Variants in F13A1 observed in about 807,000 individuals in gnomAD.
F13A1 encodes FSF, A subunit.
A neutral mutation model predicts 80.1 loss-of-function variants in F13A1; 47 were observed. The ratio of observed to expected loss-of-function variants is 0.59; its 90% CI spans 0.46 to 0.75. The LOEUF is 0.75. F13A1 is among the 30% of genes least tolerant of loss of function. The pLI is 0.00. For missense variants in F13A1, 817 were observed against 930.4 expected (o/e 0.88, Z 1.59); for synonymous variants, 349 against 344.9 (o/e 1.01, Z -0.13).
chr6:6,194,732 C>T (rs1313905010), intron 10 of F13A1, among the ~76,000 whole-genome samples: 1 of 152,190 alleles, frequency 6.6e-6, no homozygotes, highest in Non-Finnish European at 1.5e-5. Context: ...TTCTTAAAGA[C>T]TTGAACCTTA....
chr6:6,313,283 T>TTTTTTTTTTTTTTTG (rs1758632824), intron 2 of F13A1, among the ~76,000 whole-genome samples: 1 of 142,378 alleles, frequency 7.0e-6, no homozygotes, highest in African/African-American at 2.8e-5. Context: ...AAGCCGCCTT[T>TTTTTTTTTTTTTTTG]TTTTTTTTTT....
At chr6:6,199,610 T>G (rs909169548) in intron 8 of F13A1, among the ~76,000 whole-genome samples, 2 of 152,186 alleles carry the variant, frequency 1.3e-5, no homozygotes, top group Non-Finnish European at 1.5e-5. Flanking sequence ...GATAGAGCTC[T>G]GAAATCCACA....
chr6:6,167,652 A>G, intron 12 of F13A1, 34 bp from the exon 13 acceptor site: 1 of 1,610,428 alleles, frequency 6.2e-7, no homozygotes, highest in East Asian at 2.2e-5. Context: ...GCCTGGCATC[A>G]AGACTTGAGA....
chr6:6,293,057 A>C (rs1031625698), intron 3 of F13A1, among the ~76,000 whole-genome samples: 4 of 152,174 alleles, frequency 2.6e-5, no homozygotes, highest in African/African-American at 9.7e-5. Context: ...CTGTAACCAG[A>C]AATGTGAAGC....
chr6:6,224,393 C>T (rs1415193495), intron 7 of F13A1, among the ~76,000 whole-genome samples: 1 of 151,820 alleles, frequency 6.6e-6, no homozygotes, highest in Non-Finnish European at 1.5e-5. Flanking sequence ...AAGAAAATGG[C>T]TTTTTTCTCT....
chr6:6,156,214 AC>A (rs1277913043), intron 13 of F13A1, among the ~76,000 whole-genome samples: 2 of 152,254 alleles, frequency 1.3e-5, no homozygotes, highest in African/African-American at 4.8e-5. Context: ...CATATCACTT[AC>A]TGATATTGAC....
At chr6:6,278,202 GATTA>G (rs1758013931) in intron 3 of F13A1, among the ~76,000 whole-genome samples, 3 of 152,202 alleles carry the variant, frequency 2.0e-5, no homozygotes, top group Admixed American at 2.0e-4. Context: ...AACACATAAA[GATTA>G]ATGGAGTGTA....
chr6:6,258,397 A>G (rs9504738), intron 4 of F13A1, among the ~76,000 whole-genome samples: 19,715 of 152,172 alleles, frequency 0.13, 1,828 homozygotes, highest in African/African-American at 0.26. Context: ...TAAGGATTAC[A>G]CCTTCCAAAC....
In F13A1 at chr6:6,285,647, C is replaced by T. The variant is rs563075309; in HGVS notation, c.320-18838G>A. Among the ~76,000 whole-genome samples, 11 of 152,308 alleles carry T rather than the reference C, an allele frequency of 7.2e-5. No homozygotes were observed. In the South Asian group the frequency reaches 1.4e-3, roughly 20 times the overall value. On this transcript the variant is annotated intron_variant, in intron 3 of 14. Coordinates refer to ENST00000264870, the MANE Select transcript of F13A1 (RefSeq NM_000129.4). ...GTAAATACCTATGCTACAGTAGGTA[C>T]CTAGTCAGGCATGAGTAGGGGAGGA...
intron 13 of F13A1, among the ~76,000 whole-genome samples, chr6:6,155,994 G>T (rs553166740): frequency 6.6e-6 from 1 of 152,278 alleles, no homozygotes; most frequent in East Asian, 1.9e-4. Context: ...ATTTAGAGAA[G>T]GTTAGTTCAA....
At chr6:6,190,477 C>A (rs1050959811) in intron 10 of F13A1, among the ~76,000 whole-genome samples, 16 of 148,184 alleles carry the variant, frequency 1.1e-4, no homozygotes, top group African/African-American at 3.6e-4. Flanking sequence ...GTTGGAATAC[C>A]CTGCTGTGTA....
chr6:6,202,131 G>T (rs1227648712), intron 8 of F13A1, among the ~76,000 whole-genome samples: 3 of 152,172 alleles, frequency 2.0e-5, no homozygotes, highest in African/African-American at 7.2e-5. Context: ...TGGCAATTTT[G>T]AAATATATAG....
chr6:6,240,495 G>C (rs1359797903), intron 6 of F13A1, among the ~76,000 whole-genome samples: 1 of 152,124 alleles, frequency 6.6e-6, no homozygotes. Context: ...AGGGGAAATA[G>C]AACATTGTGT....
At position 6,238,037 on chromosome 6, in the gene F13A1, G is replaced by T. The variant is rs114736899; in HGVS notation, c.798+10275C>A. ...AATATTGAAAAAGAAGAACAAAAAT[G>T]AATGACTACCTGATTTGAAGGTTTA... On this transcript the variant is annotated intron_variant, in intron 6 of 14. Coordinates refer to ENST00000264870, the MANE Select transcript of F13A1 (RefSeq NM_000129.4). Among the ~76,000 whole-genome samples, 972 of 152,250 alleles carry T rather than the reference G, an allele frequency of 6.4e-3. 9 individuals are homozygous for T. The highest frequency in any genetic ancestry group is 0.022 in the African/African-American group (928 of 41,562).
intron 8 of F13A1, among the ~76,000 whole-genome samples, chr6:6,200,079 A>T (rs527408019): frequency 2.4e-4 from 37 of 152,356 alleles, no homozygotes; most frequent in Non-Finnish European, 4.6e-4. Flanking sequence ...AATTCTGGGC[A>T]GGATGAGCTT....
intron 8 of F13A1, among the ~76,000 whole-genome samples, chr6:6,199,412 C>T (rs998694350): frequency 6.6e-6 from 1 of 151,924 alleles, no homozygotes; most frequent in Non-Finnish European, 1.5e-5. Context: ...ATGGCGTGAA[C>T]CCGGGAGGCG....
intron 11 of F13A1, among the ~76,000 whole-genome samples, chr6:6,180,020 C>T (rs897426786): frequency 6.6e-6 from 1 of 152,190 alleles, no homozygotes; most frequent in Non-Finnish European, 1.5e-5. Flanking sequence ...GGCAGCTGTG[C>T]TCGGCTCCAT....
At chr6:6,227,178 G>A (rs1291980033) in intron 6 of F13A1, among the ~76,000 whole-genome samples, 3 of 152,228 alleles carry the variant, frequency 2.0e-5, no homozygotes, top group African/African-American at 7.2e-5. Flanking sequence ...TGAAATTTGA[G>A]ATTTACTCTA....
intron 10 of F13A1, among the ~76,000 whole-genome samples, chr6:6,190,403 G>T (rs979723355): frequency 6.6e-5 from 10 of 151,714 alleles, no homozygotes; most frequent in African/African-American, 1.9e-4. Flanking sequence ...TGGGTTTTTG[G>T]TGTGGATGTC....
Sources: gnomAD v4.1 joint callset for allele counts (sites outside exome capture counted in the v4.1 genomes callset) on GRCh38, gnomAD v4.1.1 for gene constraint, MANE v1.5 for transcripts, NCBI Gene and HGNC (gene_info 2026-07-23, HGNC 2026-07-21) for gene names.